DPP6: variants seen among roughly 807,000 people sequenced by gnomAD.
DPP6 encodes dipeptidyl peptidase like 6, also known as A-type potassium channel modulatory protein DPP6.
Under a neutral mutation model 122.6 loss-of-function variants are expected in DPP6, and 69 were observed. The observed-to-expected ratio is 0.56, with a 90% CI of 0.46 to 0.69. The LOEUF is 0.69. Among genes scored for constraint, DPP6 ranks in the 30% least tolerant of loss-of-function variants. The pLI, the probability that DPP6 is intolerant of heterozygous loss-of-function variation, is 0.00. For missense variants in DPP6, 928 were observed against 1,116.9 expected, an observed-to-expected ratio of 0.83 and a Z score of 2.41; for synonymous variants, 418 against 433.1, an observed-to-expected ratio of 0.97 and a Z score of 0.43.
chr7:154,100,225 A>G (rs1805636943), intron 1 of DPP6, among the ~76,000 whole-genome samples: 1 of 106,346 alleles, frequency 9.4e-6, no homozygotes, highest in Non-Finnish European at 1.9e-5. Context: ...TTTATTTTTT[A>G]CCAGAACTGC....
At chr7:154,292,891 C>T (rs2150967074) in intron 1 of DPP6, among the ~76,000 whole-genome samples, 1 of 152,218 alleles carries the variant, frequency 6.6e-6, no homozygotes, top group East Asian at 1.9e-4. Context: ...TTTTATTCTA[C>T]CTTCTCTCTT....
intron 10 of DPP6, among the ~76,000 whole-genome samples, chr7:154,787,378 T>C (rs1429368602): frequency 1.3e-5 from 2 of 151,448 alleles, no homozygotes; most frequent in East Asian, 3.8e-4. Flanking sequence ...AAGTCTTCCT[T>C]TCCCTACTGA....
At chr7:154,808,207 C>A (rs1406340002) in intron 16 of DPP6, among the ~76,000 whole-genome samples, 3 of 152,174 alleles carry the variant, frequency 2.0e-5, no homozygotes, top group East Asian at 3.9e-4. Context: ...TTTATCAGAG[C>A]AATGTCTTTG....
chr7:154,048,831 T>C (rs1303615406), upstream of DPP6, among the ~76,000 whole-genome samples: 1 of 126,624 alleles, frequency 7.9e-6, no homozygotes, highest in Non-Finnish European at 1.8e-5. Context: ...GGATGTACTT[T>C]TGTTATTCCT....
chr7:153,995,541 A>G (rs376734068), intron 1 of DPP6, among the ~76,000 whole-genome samples: 187 of 148,474 alleles, frequency 1.3e-3, no homozygotes, highest in African/African-American at 4.3e-3. Context: ...GTAAGCGGAG[A>G]TAGCACCACT....
At position 154,789,980 on chromosome 7, in the gene DPP6, T is replaced by C. The variant is rs1049785421; in HGVS notation, c.1137-4099T>C. Among the ~76,000 whole-genome samples the C allele has an allele frequency of 1.2e-4, 18 of 152,282 alleles. No homozygotes were observed. The South Asian group carries it at 1.4e-3, about 12-fold the overall frequency. The stretch of plus-strand genomic sequence containing the variant: ...TGGGAGGCCAAGGCAGGTGGATCAC[T>C]TGAGGCCAGGAGTTCAAGACCAGCC... On this transcript the variant is annotated intron_variant, in intron 10 of 25. Transcript: ENST00000377770.
chr7:154,656,041 G>A (rs1837217689), intron 6 of DPP6, among the ~76,000 whole-genome samples: 1 of 151,802 alleles, frequency 6.6e-6, no homozygotes, highest in Non-Finnish European at 1.5e-5. Context: ...CCAGAGATGT[G>A]GACACAGTTG....
intron 1 of DPP6, among the ~76,000 whole-genome samples, chr7:153,973,675 G>GTC (rs796658135): frequency 0.038 from 5,098 of 132,772 alleles, 185 homozygotes; most frequent in East Asian, 0.1. Flanking sequence ...GTGTGTGTGT[G>GTC]TCTAATGGTA....
At chr7:153,948,756 C>T (rs1319613972) in intron 1 of DPP6, among the ~76,000 whole-genome samples, 1 of 149,096 alleles carries the variant, frequency 6.7e-6, no homozygotes, top group African/African-American at 2.5e-5. Flanking sequence ...AAAACACCCT[C>T]CCCGAGAACA....
intron 1 of DPP6, among the ~76,000 whole-genome samples, chr7:154,299,529 C>G (rs557970013): frequency 6.6e-6 from 1 of 152,236 alleles, no homozygotes; most frequent in South Asian, 2.1e-4. Flanking sequence ...GTTGTTGTTT[C>G]TTTCTTTCCA....
At chr7:153,957,264 T>C (rs1802503516) in intron 1 of DPP6, among the ~76,000 whole-genome samples, 1 of 151,746 alleles carries the variant, frequency 6.6e-6, no homozygotes, top group South Asian at 2.1e-4. Flanking sequence ...GTGTGAAGAG[T>C]CCAAGGACGC....
At chr7:154,223,104 T>C (rs1387837607) in intron 1 of DPP6, among the ~76,000 whole-genome samples, 1 of 148,904 alleles carries the variant, frequency 6.7e-6, no homozygotes, top group Non-Finnish European at 1.5e-5. Flanking sequence ...CTGTCGGCAT[T>C]TGGCATTTTT....
intron 3 of DPP6, among the ~76,000 whole-genome samples, chr7:154,520,110 G>C (rs958438871): frequency 6.6e-6 from 1 of 152,150 alleles, no homozygotes; most frequent in African/African-American, 2.4e-5. Context: ...GTTACAGTCA[G>C]AGTATGATTG....
At position 154,403,933 on chromosome 7, in the gene DPP6, A is replaced by G. The variant is rs1172232872; in HGVS notation, c.244-42281A>G. Among the ~76,000 whole-genome samples, 1 of 152,260 alleles carries G rather than the reference A, an allele frequency of 6.6e-6. No individual in the cohort carries two copies. The highest frequency in any genetic ancestry group is 1.5e-5 in the Non-Finnish European group (1 of 68,042). Reference sequence around the variant, plus strand: ...TCGGAAGGCCACTGATTTTAAGCTCATTAAACTCACATTCACCTTTGTCTT... The same window carrying G: ...TCGGAAGGCCACTGATTTTAAGCTCGTTAAACTCACATTCACCTTTGTCTT... On this transcript the variant is annotated intron_variant, in intron 1 of 25. Coordinates refer to ENST00000377770, the MANE Select transcript of DPP6 (RefSeq NM_130797.4). The surrounding 1 kb of genome is among the most constrained non-coding windows in gnomAD (Gnocchi z 4.1).
At chr7:154,458,544 C>T (rs1331037156) in intron 2 of DPP6, among the ~76,000 whole-genome samples, 1 of 152,168 alleles carries the variant, frequency 6.6e-6, no homozygotes, top group African/African-American at 2.4e-5. Flanking sequence ...TGTATTTGGG[C>T]CCAGTGAAGC....
intron 1 of DPP6, among the ~76,000 whole-genome samples, chr7:154,309,896 A>G (rs749002129): frequency 5.8e-4 from 88 of 152,324 alleles, no homozygotes; most frequent in Admixed American, 2.4e-3. Context: ...GCTCACGTAC[A>G]GTAAATTCCA....
intron 1 of DPP6, among the ~76,000 whole-genome samples, chr7:154,128,642 G>A (rs1338655248): frequency 6.6e-6 from 1 of 152,098 alleles, no homozygotes; most frequent in Admixed American, 6.6e-5. Flanking sequence ...ACCCGCCTCG[G>A]CCTCCCAAAG....
At chr7:154,410,816 T>C (rs1816533223) in intron 1 of DPP6, among the ~76,000 whole-genome samples, 1 of 152,260 alleles carries the variant, frequency 6.6e-6, no homozygotes, top group African/African-American at 2.4e-5. Context: ...GCTTGATTGA[T>C]TTGCTAGATT....
At chr7:153,880,123 T>G in the DPP6 span, among the ~76,000 whole-genome samples, 1 of 152,240 alleles carries the variant, frequency 6.6e-6, no homozygotes, top group Non-Finnish European at 1.5e-5. Flanking sequence ...ATTATAATTT[T>G]ATGCCATCTG....
Sources: allele counts gnomAD v4.1 joint callset (sites outside exome capture counted in the v4.1 genomes callset), GRCh38; gene constraint gnomAD v4.1.1; non-coding constraint Gnocchi (gnomAD v3.1); transcripts MANE v1.5; gene names NCBI Gene and HGNC (gene_info 2026-07-23, HGNC 2026-07-21).